The following MILR1 variants were observed in gnomAD, a reference collection of about 807,000 sequenced individuals.
The protein encoded by MILR1 is mast cell immunoglobulin like receptor 1, also known as allergin-1.
In MILR1, 31 loss-of-function variants were observed where a neutral mutation model predicts 18.5. That is an observed-to-expected ratio of 1.68 (90% CI 1.26 to 2.26). The LOEUF (loss-of-function observed/expected upper bound fraction) is 2.26. Among genes scored for constraint, MILR1 ranks in the 30% most tolerant of loss-of-function variants. The pLI, the probability that MILR1 is intolerant of heterozygous loss-of-function variation, is 0.00. For synonymous variants in MILR1, 85 were observed against 56.2 expected (o/e 1.51, Z -2.30); for missense variants, 257 against 157.4 (o/e 1.63, Z -3.38).
downstream of MILR1, among the ~76,000 whole-genome samples, chr17:64,471,951 A>T (rs1412430792): frequency 3.3e-5 from 5 of 152,196 alleles, no homozygotes; most frequent in Non-Finnish European, 2.9e-5. Flanking sequence ...GAATCACATT[A>T]AAAAAGTTGG....
At chr17:64,466,748 C>A in intron 8 of MILR1, 86 bp downstream of exon 8, 1 of 1,151,260 alleles carries the variant, frequency 8.7e-7, no homozygotes. Flanking sequence ...CTTCAGGAGC[C>A]CGTTAATGGG....
the MILR1 span, chr17:64,491,489 A>C: frequency 4.5e-5 from 61 of 1,369,916 alleles, 1 homozygote; most frequent in East Asian, 1.4e-3. Context: ...CAGCCCGGGC[A>C]AAAGAGTGAG....
the MILR1 span, among the ~76,000 whole-genome samples, chr17:64,489,463 CA>C: frequency 6.6e-6 from 1 of 151,388 alleles, no homozygotes; most frequent in East Asian, 1.9e-4. Context: ...ACCAGTAAGG[CA>C]AAATTTGGTG....
chr17:64,465,699 T>G (rs1197533628), intron 6 of MILR1, among the ~76,000 whole-genome samples, 158 bp downstream of exon 6: 3 of 152,180 alleles, frequency 2.0e-5, no homozygotes. Context: ...AATAACCAGT[T>G]TTTTAAATCC....
intron 6 of MILR1, 142 bp from the exon 7 acceptor site, chr17:64,466,300 C>T: frequency 1.4e-6 from 1 of 712,272 alleles, no homozygotes; most frequent in Non-Finnish European, 2.5e-6. Context: ...TGGGTGAGGA[C>T]ACAGTCAAAC....
the MILR1 span, among the ~76,000 whole-genome samples, chr17:64,479,253 A>G: frequency 6.9e-6 from 1 of 145,814 alleles, no homozygotes; most frequent in Non-Finnish European, 1.5e-5. Context: ...GCTTGATCTC[A>G]GCTCACTGCA....
the MILR1 span, chr17:64,481,401 T>A: frequency 1.0e-6 from 1 of 985,292 alleles, no homozygotes; most frequent in Non-Finnish European, 1.2e-6. Context: ...AGGTCTGGGC[T>A]GGGTCTCAAT....
chr17:64,456,314 T>TTATA (rs149164161), intron 3 of MILR1, among the ~76,000 whole-genome samples: 6,868 of 151,244 alleles, frequency 0.045, 552 homozygotes, highest in African/African-American at 0.16. Flanking sequence ...TATTAATGCA[T>TTATA]TATATATATA....
intron 2 of MILR1, among the ~76,000 whole-genome samples, chr17:64,452,224 C>A (rs991297301): frequency 2.0e-5 from 3 of 151,794 alleles, no homozygotes; most frequent in Admixed American, 1.3e-4. Flanking sequence ...AGGCGTCAAC[C>A]ACCACACCCA....
In MILR1 at chr17:64,459,902, T is replaced by C. The variant is rs1180667037; in HGVS notation, c.653-920T>C. On this transcript the variant is annotated intron_variant, in intron 4 of 9. Coordinates refer to ENST00000619286, the MANE Select transcript of MILR1 (RefSeq NM_001085423.2). ...GTTGCTGGTATTCGTCCTGTTAAAT[T>C]CTGTGCTGCTTTTCTCTTCTTTGGG... Among the ~76,000 whole-genome samples the C allele has an allele frequency of 5.9e-5, 9 of 152,312 alleles. No homozygotes were observed. In the East Asian group the frequency reaches 9.6e-4, roughly 16 times the overall value.
At chr17:64,487,301 T>C in the MILR1 span, 2 of 152,194 alleles carry the variant, frequency 1.3e-5, no homozygotes, top group Non-Finnish European at 2.9e-5. Context: ...CACACAGTTA[T>C]CGTCGAACTG....
intron 3 of MILR1, among the ~76,000 whole-genome samples, chr17:64,454,646 C>T (rs956255283): frequency 7.9e-5 from 12 of 152,262 alleles, no homozygotes; most frequent in East Asian, 3.9e-4. Context: ...CATAAAACTA[C>T]GTATACAAAT....
At position 64,466,578 on chromosome 17, in the gene MILR1, C is replaced by T. The variant is rs1555663293; in HGVS notation, c.911-16C>T. On this transcript the variant is annotated splice_polypyrimidine_tract_variant and intron_variant, in intron 7 of 9. Coordinates refer to ENST00000619286, the MANE Select transcript of MILR1 (RefSeq NM_001085423.2). The stretch of plus-strand genomic sequence containing the variant: ...ATAATTGGCCCAATAATTCCTATTC[C>T]TTATCTTTTGCCCAGAGGCCAAACA... The T allele has an allele frequency of 1.2e-6, 2 of 1,611,100 alleles. No individual in the cohort carries two copies. Among genetic ancestry groups the T allele is most frequent in the Non-Finnish European group, 1.7e-6 (2 of 1,178,620 alleles).
At chr17:64,464,178 C>T (rs1310145271) in intron 5 of MILR1, among the ~76,000 whole-genome samples, 10 of 137,172 alleles carry the variant, frequency 7.3e-5, no homozygotes, top group Admixed American at 4.1e-4. Context: ...GGCTGGAGTG[C>T]GGTGGTGCAA....
At chr17:64,497,011 G>A in the MILR1 span, 3 of 1,557,222 alleles carry the variant, frequency 1.9e-6, no homozygotes, top group South Asian at 3.3e-5. Context: ...TCACTCAACG[G>A]ATCCCAACAA....
chr17:64,458,481 G>A (rs919590888), intron 4 of MILR1, among the ~76,000 whole-genome samples: 2 of 151,862 alleles, frequency 1.3e-5, no homozygotes, highest in African/African-American at 4.8e-5. Context: ...CCAAAATGCT[G>A]GGATAACAGC....
the MILR1 span, among the ~76,000 whole-genome samples, chr17:64,483,746 G>A: frequency 4.7e-5 from 7 of 148,404 alleles, no homozygotes; most frequent in African/African-American, 1.7e-4. Context: ...TAAAGGGTCT[G>A]GCTCTGTTGC....
the MILR1 span, chr17:64,485,457 G>T: frequency 2.3e-6 from 1 of 430,228 alleles, no homozygotes; most frequent in Non-Finnish European, 4.3e-6. Flanking sequence ...CAGTGGAAAG[G>T]TTCAGGGGCT....
the MILR1 span, among the ~76,000 whole-genome samples, chr17:64,494,813 C>T: frequency 6.6e-6 from 1 of 152,162 alleles, no homozygotes; most frequent in African/African-American, 2.4e-5. Flanking sequence ...TTCAAACTCA[C>T]CTTGTACTTT....
Sources: gnomAD v4.1 joint callset for allele counts (sites outside exome capture counted in the v4.1 genomes callset) on GRCh38, gnomAD v4.1.1 for gene constraint, MANE v1.5 for transcripts, NCBI Gene and HGNC (gene_info 2026-07-23, HGNC 2026-07-21) for gene names.